Variants in TBC1D2B observed in about 807,000 individuals in gnomAD.
TBC1D2B encodes the protein TBC1 domain family, member 2B.
Under a neutral mutation model 100.8 loss-of-function variants are expected in TBC1D2B, and 64 were observed. The observed-to-expected ratio is 0.64, with a 90% CI of 0.52 to 0.78. The LOEUF is 0.78. Ranked by LOEUF, TBC1D2B falls within the 30% of genes least tolerant of loss-of-function variation. The pLI, the probability that TBC1D2B is intolerant of heterozygous loss-of-function variation, is 0.00. For synonymous variants in TBC1D2B, 480 were observed against 479.7 expected, an observed-to-expected ratio of 1.00 and a Z score of -0.01; for missense variants, 1,052 against 1,218.4, an observed-to-expected ratio of 0.86 and a Z score of 2.03.
At chr15:78,037,090 C>T (rs1399610299) in intron 3 of TBC1D2B, among the ~76,000 whole-genome samples, 2 of 152,120 alleles carry the variant, frequency 1.3e-5, no homozygotes, top group African/African-American at 4.8e-5. Flanking sequence ...ATCTAAGAAA[C>T]AATATTCTTA....
chr15:78,073,538 A>T (rs950446927), intron 1 of TBC1D2B, among the ~76,000 whole-genome samples: 3 of 152,206 alleles, frequency 2.0e-5, no homozygotes, highest in Non-Finnish European at 4.4e-5. Flanking sequence ...CTAAAGTGAA[A>T]CATTAAGGCT....
At chr15:78,049,887 T>C (rs2073275553) in intron 2 of TBC1D2B, among the ~76,000 whole-genome samples, 1 of 152,148 alleles carries the variant, frequency 6.6e-6, no homozygotes, top group African/African-American at 2.4e-5. Context: ...ATGGGGAAAT[T>C]ATGATGTGCT....
intron 1 of TBC1D2B, among the ~76,000 whole-genome samples, chr15:78,058,625 A>C (rs2073477204): frequency 6.6e-6 from 1 of 152,220 alleles, no homozygotes; most frequent in African/African-American, 2.4e-5. Context: ...GGTGACAATG[A>C]GCCAGTCAGC....
intron 3 of TBC1D2B, among the ~76,000 whole-genome samples, chr15:78,036,142 T>G (rs1237002897): frequency 6.6e-6 from 1 of 152,192 alleles, no homozygotes; most frequent in Non-Finnish European, 1.5e-5. Context: ...AAGTTCAGGG[T>G]GCAGACATAA....
chr15:78,008,287 G>T (rs887486181), intron 10 of TBC1D2B, among the ~76,000 whole-genome samples: 2 of 152,222 alleles, frequency 1.3e-5, no homozygotes, highest in African/African-American at 4.8e-5. Context: ...GGTGTGGATG[G>T]CATGAAATGC....
At chr15:78,038,732 T>C (rs2073007218) in intron 3 of TBC1D2B, among the ~76,000 whole-genome samples, 1 of 152,176 alleles carries the variant, frequency 6.6e-6, no homozygotes, top group African/African-American at 2.4e-5. Flanking sequence ...TTGGTGGCCC[T>C]GGACAAGACA....
At chr15:78,021,630 G>A (rs900436695) in intron 6 of TBC1D2B, among the ~76,000 whole-genome samples, 18 of 152,222 alleles carry the variant, frequency 1.2e-4, no homozygotes, top group African/African-American at 3.9e-4. Context: ...GGCCTCAACT[G>A]TCTCACCTGG....
At chr15:78,063,413 G>C (rs2073589899) in intron 1 of TBC1D2B, among the ~76,000 whole-genome samples, 1 of 152,192 alleles carries the variant, frequency 6.6e-6, no homozygotes, top group Non-Finnish European at 1.5e-5. Context: ...CAGCATTTTA[G>C]CAGAAATCAC....
At chr15:78,034,679 C>T (rs1050352593) in intron 3 of TBC1D2B, 10 of 985,294 alleles carry the variant, frequency 1.0e-5, no homozygotes, top group South Asian at 9.4e-5. Context: ...CGTACGCTGC[C>T]GTGCTCTCAC....
At chr15:78,066,832 A>G (rs1319739707) in intron 1 of TBC1D2B, among the ~76,000 whole-genome samples, 1 of 152,190 alleles carries the variant, frequency 6.6e-6, no homozygotes, top group East Asian at 1.9e-4. Context: ...AGCCACCTCC[A>G]AAGAGAAGCC....
At position 78,077,375 on chromosome 15, in the gene TBC1D2B, C is replaced by G; in HGVS notation, c.278G>C (p.Gly93Ala). ...DIADACFSYQ[G>A]PDEAAEPGTE... ...GCCCGGCTCCGCCGCCTCGTCGGGG[C>G]CCTGGTAGCTGAAGCAGGCGTCCGC... is the stretch of plus-strand genomic sequence containing the variant. Residue 93 changes from glycine to alanine, a missense_variant, in exon 1 of 13, where the codon GGC (glycine) becomes GCC (alanine). Coordinates refer to ENST00000300584, the MANE Select transcript of TBC1D2B (RefSeq NM_144572.2). 6.5e-7 allele frequency: 1 copy of G among 1,541,606 alleles called. No individual in the cohort carries two copies. Among genetic ancestry groups the G allele is most frequent in the Non-Finnish European group, 8.7e-7 (1 of 1,143,744 alleles).
Position 78,031,574 on chromosome 15 carries a change from A to G in TBC1D2B, c.684-1404T>C, listed in dbSNP as rs796176719. Among the ~76,000 whole-genome samples, 578 of 147,468 alleles carry G rather than the reference A, an allele frequency of 3.9e-3. 5 individuals carry two copies. The highest frequency in any genetic ancestry group is 0.014 in the African/African-American group (555 of 38,622). On this transcript the variant is annotated intron_variant, in intron 3 of 12. Coordinates refer to ENST00000300584, the MANE Select transcript of TBC1D2B (RefSeq NM_144572.2). ...GTCTCCAAAAAAAAAAAAAAAAAAA[A>G]AGAGAGAGAGAGAGGATTTTAGTAA...
chr15:78,050,999 T>G (rs11629684), intron 2 of TBC1D2B, among the ~76,000 whole-genome samples: 3,711 of 152,308 alleles, frequency 0.024, 52 homozygotes, highest in Middle Eastern at 0.041. Flanking sequence ...CACAGGTTTC[T>G]GGGAAAGCAT....
intron 2 of TBC1D2B, among the ~76,000 whole-genome samples, chr15:78,052,188 C>A (rs2141798048): frequency 6.6e-6 from 1 of 152,260 alleles, no homozygotes; most frequent in African/African-American, 2.4e-5. Flanking sequence ...GCAGTTCAGC[C>A]CTGTCATCTG....
chr15:78,063,357 C>T (rs2073588648), intron 1 of TBC1D2B, among the ~76,000 whole-genome samples: 1 of 152,192 alleles, frequency 6.6e-6, no homozygotes, highest in African/African-American at 2.4e-5. Context: ...TACTTGCTAT[C>T]AAGGGGAAGG....
chr15:78,029,036 A>G (rs2072741096), intron 4 of TBC1D2B, among the ~76,000 whole-genome samples: 1 of 151,930 alleles, frequency 6.6e-6, no homozygotes, highest in Non-Finnish European at 1.5e-5. Flanking sequence ...AACTGTAAAT[A>G]TAATAAAGAA....
rs564967863 is a variant in TBC1D2B at position 78,022,098 on chromosome 15, T to G, written c.1470+2058A>C. On this transcript the variant is annotated intron_variant, in intron 6 of 12. Coordinates refer to ENST00000300584, the MANE Select transcript of TBC1D2B (RefSeq NM_144572.2). ...CCTGTCTGCTGGATGCAATGGCTCA[T>G]GCCTGTAATCTCAGCATTCTGAGGC... 1.5e-3 allele frequency among the ~76,000 whole-genome samples: 231 copies of G among 152,372 alleles called. 1 individual carries two copies. Among genetic ancestry groups the G allele is most frequent in the South Asian group, 2.9e-3 (14 of 4,832 alleles).
rs1284284086 is a variant in TBC1D2B at position 78,013,028 on chromosome 15, G to A, written c.2065C>T (p.Pro689Ser). Residue 689 changes from proline to serine, a missense_variant, in exon 9 of 13, where the codon CCT becomes TCT. By Grantham distance (74) the Pro-to-Ser change is moderately conservative. Around this residue, in one of 4 missense-constraint regions of TBC1D2B, gnomAD observed 373 missense variants for 464.9 expected, o/e 0.80. Coordinates refer to ENST00000300584, the MANE Select transcript of TBC1D2B (RefSeq NM_144572.2). ...HTRKFKDNTE[P>S]GHFQTLLQKA... ...TGCAGCAAGGTCTGGAAGTGGCCAG[G>A]CTCAGTGTTGTCCTTGAACTTCCTG... 14 of 1,613,156 alleles carry A rather than the reference G, an allele frequency of 8.7e-6. No homozygotes were observed. Among genetic ancestry groups the A allele is most frequent in the Non-Finnish European group, 1.2e-5 (14 of 1,179,160 alleles).
At chr15:78,017,193 A>G (rs1383910596) in intron 7 of TBC1D2B, 1 of 157,816 alleles carries the variant, frequency 6.3e-6, no homozygotes, top group Non-Finnish European at 1.4e-5. Flanking sequence ...ACATGCAGGA[A>G]TAAGGTCTGG....
Sources: gnomAD v4.1 joint callset for allele counts (sites outside exome capture counted in the v4.1 genomes callset) on GRCh38, gnomAD v4.1.1 for gene constraint, gnomAD v4.1.1 regional missense constraint, MANE v1.5 for transcripts, NCBI Gene and HGNC (gene_info 2026-07-23, HGNC 2026-07-21) for gene names.